Variants in PFKFB3 observed in about 807,000 individuals in gnomAD.
The protein encoded by PFKFB3 is 6-phosphofructo-2-kinase/fructose-2,6-biphosphatase 3, also known as 6-phosphofructo-2-kinase/fructose-2,6-bisphosphatase 3.
PFKFB3 carries 33 observed loss-of-function variants against 68.0 expected under a neutral mutation model. The observed-to-expected ratio is 0.49, with a 90% CI of 0.37 to 0.65. The LOEUF is 0.65. PFKFB3 is among the 30% of genes least tolerant of loss of function. The pLI, the probability that PFKFB3 is intolerant of heterozygous loss-of-function variation, is 0.00. For missense variants in PFKFB3, 586 were observed against 712.2 expected (o/e 0.82, Z 2.02); for synonymous variants, 315 against 288.2 (o/e 1.09, Z -0.94).
At position 6,228,171 on chromosome 10, in the gene PFKFB3, TTCTC is replaced by T; in HGVS notation, c.1515+1812_1515+1815del. On this transcript the variant is annotated intron_variant, in intron 14 of 14. Transcript: ENST00000379775. This position sits in a 1 kb window ranked among gnomAD's most constrained non-coding sequence, Gnocchi z 4.5. ...GATTGCGCCCTGCCTCCTGACTGAC[TTCTC>T]TCTCTGCTTCTCCTCCGCAGCCTTT... 3 of 1,612,756 alleles carry T rather than the reference TTCTC, an allele frequency of 1.9e-6. No homozygotes were observed. The highest frequency in any genetic ancestry group is 2.2e-5 in the South Asian group (2 of 91,084).
the PFKFB3 span, among the ~76,000 whole-genome samples, chr10:6,264,796 T>C: frequency 6.6e-6 from 1 of 152,170 alleles, no homozygotes; most frequent in African/African-American, 2.4e-5. Flanking sequence ...TGAGAGTAGA[T>C]TGCATAAATC....
In PFKFB3 at chr10:6,154,246, T is replaced by G. The variant is rs1231913201; in HGVS notation, c.16+9233T>G. ...GTTTTGGTGGAGGTGTGGGCTGAAT[T>G]AATTTTTTTTTTTTTTTGAGGCAGG... is the stretch of plus-strand genomic sequence containing the variant. On this transcript the variant is annotated intron_variant, in intron 1 of 14. Coordinates refer to the PFKFB3 transcript ENST00000379789. This position sits in a 1 kb window ranked among gnomAD's most constrained non-coding sequence, Gnocchi z 4.6. 6.9e-6 allele frequency among the ~76,000 whole-genome samples: 1 copy of G among 143,998 alleles called. No homozygotes were observed. The highest frequency in any genetic ancestry group is 1.5e-5 in the Non-Finnish European group (1 of 65,982). The allele number at this position is 143,998 out of a possible 152,430, so 94.5% of individuals were successfully genotyped here. A position where few individuals can be genotyped will look rare whatever the true frequency, so the allele number is the denominator to read the frequency against.
At chr10:6,294,253 C>T in the PFKFB3 span, 6 of 529,158 alleles carry the variant, frequency 1.1e-5, no homozygotes, top group Non-Finnish European at 1.9e-5. Context: ...GCAGGGTTTG[C>T]AGCAAAAGCA....
At chr10:6,311,757 A>AAT in the PFKFB3 span, among the ~76,000 whole-genome samples, 1 of 152,130 alleles carries the variant, frequency 6.6e-6, no homozygotes, top group South Asian at 2.1e-4. Flanking sequence ...TCAAAAAAAA[A>AAT]GAAAAAAGAA....
At chr10:6,153,723 C>T (rs1841674321) in intron 1 of PFKFB3, among the ~76,000 whole-genome samples, 1 of 151,930 alleles carries the variant, frequency 6.6e-6, no homozygotes, top group African/African-American at 2.4e-5. Context: ...GGTGTGGAGG[C>T]AGGTGCCTGT....
the PFKFB3 span, chr10:6,293,147 G>T: frequency 2.2e-6 from 1 of 457,364 alleles, no homozygotes; most frequent in South Asian, 1.7e-5. Context: ...CATGCTTGGT[G>T]TCATCCACTT....
At chr10:6,307,325 C>T in the PFKFB3 span, among the ~76,000 whole-genome samples, 851 of 99,536 alleles carry the variant, frequency 8.5e-3, 5 homozygotes, top group South Asian at 0.046. Context: ...CACATGCATG[C>T]GTACTACACA....
the PFKFB3 span, among the ~76,000 whole-genome samples, chr10:6,282,038 C>T: frequency 7.9e-5 from 12 of 151,188 alleles, no homozygotes; most frequent in South Asian, 4.2e-4. Context: ...GGCACCTTCA[C>T]GGCACACTAC....
At chr10:6,292,629 A>G in the PFKFB3 span, among the ~76,000 whole-genome samples, 2 of 150,672 alleles carry the variant, frequency 1.3e-5, no homozygotes, top group African/African-American at 4.9e-5. Context: ...ACACACATAC[A>G]CAGAATTAAA....
chr10:6,145,113 G>A (rs1841333962), intron 1 of PFKFB3: 5 of 976,640 alleles, frequency 5.1e-6, no homozygotes, highest in Non-Finnish European at 5.4e-6. Flanking sequence ...AGGCGCGGAA[G>A]CACTGTGCAC....
Position 6,229,038 on chromosome 10 carries a change from G to GC in PFKFB3, c.1515+2680dup, listed in dbSNP as rs1014002244. On this transcript the variant is annotated intron_variant, in intron 14 of 14. Transcript: ENST00000379775. The surrounding 1 kb of genome is among the most constrained non-coding windows in gnomAD (Gnocchi z 4.3). ...CAGCCACATGAAGTGTCATCCCCTT[G>GC]CCCCCCCAAAAACACACCCGCCCCT... The GC allele has an allele frequency of 4.2e-5, 20 of 481,192 alleles. No individual in the cohort carries two copies. The highest frequency in any genetic ancestry group is 1.1e-4 in the Admixed American group (5 of 43,532). The allele number at this position is 481,192 out of a possible 1,614,324, so 29.8% of individuals were successfully genotyped here.
the PFKFB3 span, among the ~76,000 whole-genome samples, chr10:6,321,246 A>C: frequency 6.7e-6 from 1 of 150,106 alleles, no homozygotes; most frequent in Non-Finnish European, 1.5e-5. Context: ...GTTTTGCAAA[A>C]CCCCATGCTC....
intron 1 of PFKFB3, among the ~76,000 whole-genome samples, chr10:6,177,570 G>T (rs1842565272): frequency 6.9e-6 from 1 of 145,642 alleles, no homozygotes; most frequent in African/African-American, 2.6e-5. Context: ...TTGTTGCCCA[G>T]GCTGGAGTGC....
At chr10:6,199,234 C>T (rs1588458205), upstream of PFKFB3, among the ~76,000 whole-genome samples, 2 of 152,332 alleles carry the variant, frequency 1.3e-5, no homozygotes, top group Admixed American at 6.5e-5. Flanking sequence ...CTCTCTGGGG[C>T]AGCGGGTAGG....
chr10:6,156,517 A>G (rs922184327), intron 1 of PFKFB3, among the ~76,000 whole-genome samples: 7 of 150,836 alleles, frequency 4.6e-5, no homozygotes, highest in Non-Finnish European at 1.0e-4. Context: ...CTTTTTATTT[A>G]TCTTTTTTGA....
chr10:6,244,304 C>T (rs1311514895), intron 14 of PFKFB3, among the ~76,000 whole-genome samples: 1 of 152,180 alleles, frequency 6.6e-6, no homozygotes, highest in African/African-American at 2.4e-5. Context: ...GTGAAGGCCA[C>T]GTAGTGAAGA....
chr10:6,226,278 C>T lies in PFKFB3; in HGVS notation c.1428C>T (p.Ile476=), dbSNP rs1845343988. 6.2e-7 allele frequency: 1 copy of T among 1,614,084 alleles called. No homozygotes were observed. Among genetic ancestry groups the T allele is most frequent in the African/African-American group, 1.3e-5 (1 of 74,946 alleles). The change falls in exon 14 of 15, where the codon ATC becomes ATT. Residue 476 remains isoleucine (I), a synonymous_variant. Transcript: ENST00000379775. ...ASPEPTKKPR[I]NSFEEHVAST... is the part of the protein sequence containing the mutation. Reference sequence around the variant, plus strand: ...CCGAACCCACCAAAAAGCCTCGCATCAACAGCTTTGAGGAGCATGTGGCCT... The same window carrying T: ...CCGAACCCACCAAAAAGCCTCGCATTAACAGCTTTGAGGAGCATGTGGCCT...
At chr10:6,248,961 G>A (rs899633966) in intron 14 of PFKFB3, among the ~76,000 whole-genome samples, 1 of 152,044 alleles carries the variant, frequency 6.6e-6, no homozygotes, top group African/African-American at 2.4e-5. Flanking sequence ...ATCACCTGAG[G>A]TCGGGAATTC....
chr10:6,203,439 C>G, intron 1 of PFKFB3, 103 bp downstream of exon 1: 1 of 673,024 alleles, frequency 1.5e-6, no homozygotes, highest in Non-Finnish European at 2.0e-6. Context: ...GGGGCGCGCC[C>G]GTGCGGGTCG....
Sources: gnomAD v4.1 joint callset for allele counts (sites outside exome capture counted in the v4.1 genomes callset) on GRCh38, gnomAD v4.1.1 for gene constraint, Gnocchi (gnomAD v3.1) non-coding constraint, MANE v1.5 for transcripts, NCBI Gene and HGNC (gene_info 2026-07-23, HGNC 2026-07-21) for gene names.